FCRLA: variants seen among roughly 807,000 people sequenced by gnomAD.
FCRLA encodes the protein Fc receptor like A, also known as Fc receptor-like A.
Under a neutral mutation model 28.4 loss-of-function variants are expected in FCRLA, and 26 were observed. That is an observed-to-expected ratio of 0.91 (90% CI 0.67 to 1.27). The LOEUF (loss-of-function observed/expected upper bound fraction) is 1.27. Among genes scored for constraint, FCRLA ranks in the 50% most tolerant of loss-of-function variants. The pLI, the probability that FCRLA is intolerant of heterozygous loss-of-function variation, is 0.00. For synonymous variants in FCRLA, 174 were observed against 168.5 expected (o/e 1.03, Z -0.25); for missense variants, 422 against 433.1 (o/e 0.97, Z 0.23).
At position 161,712,054 on chromosome 1, in the gene FCRLA, TCTC is replaced by T; in HGVS notation, c.623_625del (p.Ser208del). The T allele has an allele frequency of 6.2e-7, 1 of 1,614,150 alleles. No homozygotes were observed. Among genetic ancestry groups the T allele is most frequent in the Non-Finnish European group, 8.5e-7 (1 of 1,180,040 alleles). ...CAGAGGTCAGCTGCCCGCCTCCTCT[TCTC>T]CTTCTACAAGGATGGAAGGATAGTG... On this transcript the variant is annotated inframe_deletion, in exon 4 of 5. Transcript: ENST00000236938.
Position 161,710,790 on chromosome 1 carries a change from G to A in FCRLA, c.110G>A (p.Gly37Glu). The A allele has an allele frequency of 6.2e-7, 1 of 1,614,108 alleles. No individual in the cohort carries two copies. The highest frequency in any genetic ancestry group is 8.5e-7 in the Non-Finnish European group (1 of 1,180,036). Residue 37 changes from glycine (G) to glutamate (E), a missense_variant, in exon 2 of 5, where the codon GGA (glycine) becomes GAA (glutamate). By Grantham distance (98) the Gly-to-Glu change is moderately conservative. This residue lies in a region of FCRLA where 231 missense variants were observed against 214.6 expected (regional missense o/e 1.08). Coordinates refer to ENST00000236938, the MANE Select transcript of FCRLA (RefSeq NM_032738.4). ...AGTTTTGAGACGCTGCAGTGTGAGG[G>A]ACCTGTCTGCACTGAGGAGAGCAGC... ...AASFETLQCE[G>E]PVCTEESSCH...
At chr1:161,707,461 G>A in intron 1 of FCRLA, 118 bp downstream of exon 1, 4 of 1,101,496 alleles carry the variant, frequency 3.6e-6, no homozygotes, top group Non-Finnish European at 5.1e-6. Context: ...GTATTCAGGT[G>A]GAATAAGAAG....
chr1:161,710,850 A>G lies in FCRLA; in HGVS notation c.170A>G (p.Glu57Gly), dbSNP rs1272632096. ...HTEDDLTDAR[E>G]AGFQVKAYTF... ...GAGGATGACTTGACTGATGCAAGGGAAGCTGGCTTCCAGGTCAAGGCCTAC... is the reference window on the plus strand; with the variant it reads ...GAGGATGACTTGACTGATGCAAGGGGAGCTGGCTTCCAGGTCAAGGCCTAC... The change falls in exon 2 of 5, where the codon GAA becomes GGA. Residue 57 changes from glutamate (E) to glycine (G), a missense_variant. Transcript: ENST00000236938. 1 of 1,613,892 alleles carries G rather than the reference A, an allele frequency of 6.2e-7. No individual in the cohort carries two copies. Among genetic ancestry groups the G allele is most frequent in the Non-Finnish European group, 8.5e-7 (1 of 1,180,008 alleles).
At chr1:161,710,242 T>C in intron 1 of FCRLA, 1 of 572,502 alleles carries the variant, frequency 1.7e-6, no homozygotes, top group Non-Finnish European at 3.1e-6. Context: ...TAGTCTCTTT[T>C]TAAGCTTTGG....
intron 1 of FCRLA, among the ~76,000 whole-genome samples, chr1:161,709,556 G>C (rs978089176): frequency 2.6e-5 from 4 of 152,172 alleles, no homozygotes; most frequent in African/African-American, 9.7e-5. Flanking sequence ...GAAAACACCT[G>C]GTACTGATGT....
In FCRLA at chr1:161,711,322, G is replaced by T. The variant is rs1459280041; in HGVS notation, c.347G>T (p.Gly116Val). ...ACTCAGGTGACCTTCTACCGAGATGGCTCAGCTCTGGGTCCCCCCGGGCCT... is the reference window on the plus strand; with the variant it reads ...ACTCAGGTGACCTTCTACCGAGATGTCTCAGCTCTGGGTCCCCCCGGGCCT... The part of the protein sequence containing the change: ...PLTQVTFYRD[G>V]SALGPPGPNR... Residue 116 changes from glycine (G) to valine (V), a missense_variant, in exon 3 of 5, where the codon GGC becomes GTC. By Grantham distance (109) the Gly-to-Val change is moderately radical. Around this residue, in one of 3 missense-constraint regions of FCRLA, gnomAD observed 231 missense variants for 214.6 expected, o/e 1.08. Coordinates refer to ENST00000236938, the MANE Select transcript of FCRLA (RefSeq NM_032738.4). The T allele has an allele frequency of 6.2e-7, 1 of 1,614,208 alleles. No individual in the cohort carries two copies. The highest frequency in any genetic ancestry group is 1.1e-5 in the South Asian group (1 of 91,082).
chr1:161,712,591 C>T (rs775869410), intron 4 of FCRLA, among the ~76,000 whole-genome samples: 2 of 152,112 alleles, frequency 1.3e-5, no homozygotes, highest in Non-Finnish European at 2.9e-5. Context: ...CTGCACTTGA[C>T]CTGAAACACT....
Position 161,713,524 on chromosome 1 carries a change from A to C in FCRLA, c.*144A>C. 1.5e-6 allele frequency: 1 copy of C among 652,552 alleles called. No individual in the cohort carries two copies. Among genetic ancestry groups the C allele is most frequent in the Non-Finnish European group, 2.6e-6 (1 of 385,396 alleles). 40.4% of individuals were successfully genotyped at this position (652,552 alleles called of 1,614,324 possible). A position where few individuals can be genotyped will look rare whatever the true frequency, so the allele number is the denominator to read the frequency against. ...AGAATAATGTAGTTAGGTGAGTGTAAATAAATTTATATAAAGTGAGAATTA... is the reference window on the plus strand; with the variant it reads ...AGAATAATGTAGTTAGGTGAGTGTACATAAATTTATATAAAGTGAGAATTA... On this transcript the variant is annotated 3_prime_UTR_variant, in exon 5 of 5. Coordinates refer to ENST00000236938, the MANE Select transcript of FCRLA (RefSeq NM_032738.4).
At chr1:161,711,881 C>T in intron 3 of FCRLA, 53 bp from the exon 4 acceptor site, 1 of 1,549,728 alleles carries the variant, frequency 6.5e-7, no homozygotes, top group Non-Finnish European at 8.7e-7. Flanking sequence ...CTGCATGTGT[C>T]TACCTGTATA....
Position 161,712,231 on chromosome 1 carries a change from C to T in FCRLA, c.784+13C>T. 1 of 1,604,582 alleles carries T rather than the reference C, an allele frequency of 6.2e-7. No homozygotes were observed. Among genetic ancestry groups the T allele is most frequent in the Non-Finnish European group, 8.5e-7 (1 of 1,174,458 alleles). ...ATCAGAGTGCAGGGTGAGTTCGCAT[C>T]AGAGTGCAGGTTGTCTGTTTGGCAT... On this transcript the variant is annotated intron_variant, in intron 4 of 4. Transcript: ENST00000236938.
rs1683069333 is a variant in FCRLA at position 161,710,932 on chromosome 1, T to C, written c.232+20T>C. On this transcript the variant is annotated intron_variant, in intron 2 of 4. Transcript: ENST00000236938. ...CCTATGGTGAGGTCCTGGGAAGGCC[T>C]GAGCAGTGCCCCAAACCCCTTCTTT... 2.5e-6 allele frequency: 4 copies of C among 1,611,474 alleles called. No homozygotes were observed. Among genetic ancestry groups the C allele is most frequent in the Non-Finnish European group, 3.4e-6 (4 of 1,179,396 alleles).
chr1:161,707,857 T>C (rs553770118), intron 1 of FCRLA, among the ~76,000 whole-genome samples: 1 of 152,328 alleles, frequency 6.6e-6, no homozygotes, highest in Admixed American at 6.5e-5. Flanking sequence ...CATTTTCTCC[T>C]TGTACTACAT....
Position 161,711,880 on chromosome 1 carries a change from T to A in FCRLA, c.500-54T>A, listed in dbSNP as rs950977968. Reference sequence around the variant, plus strand: ...CCCCAAGTCTCTTCACCTGCATGTGTCTACCTGTATATAAGATGGCTGAGC... The same window carrying A: ...CCCCAAGTCTCTTCACCTGCATGTGACTACCTGTATATAAGATGGCTGAGC... On this transcript the variant is annotated intron_variant, in intron 3 of 4. Transcript: ENST00000236938. The A allele has an allele frequency of 7.8e-6, 12 of 1,548,210 alleles. No individual in the cohort carries two copies. In the African/African-American group the frequency reaches 1.5e-4, roughly 19 times the overall value.
chr1:161,707,472 G>A (rs1203531464), intron 1 of FCRLA, 129 bp downstream of exon 1: 14 of 1,042,180 alleles, frequency 1.3e-5, no homozygotes, highest in Non-Finnish European at 1.7e-5. Context: ...GAATAAGAAG[G>A]GTAGGTATAA....
chr1:161,710,591 T>C lies in FCRLA; in HGVS notation c.80-169T>C, dbSNP rs1053581060. On this transcript the variant is annotated intron_variant, in intron 1 of 4. Coordinates refer to ENST00000236938, the MANE Select transcript of FCRLA (RefSeq NM_032738.4). ...GACGCCAGTGAATCAAGGTCAAAAC[T>C]ATCCCCCTGAGACACTCTCAGGGGT... 9.1e-6 allele frequency: 13 copies of C among 1,434,488 alleles called. No homozygotes were observed. The South Asian group carries it at 1.6e-4, about 18-fold the overall frequency. 88.9% of individuals were successfully genotyped at this position (1,434,488 alleles called of 1,614,324 possible). A position where few individuals can be genotyped will look rare whatever the true frequency, so the allele number is the denominator to read the frequency against.
chr1:161,710,220 C>T (rs1453294122), intron 1 of FCRLA: 6 of 537,812 alleles, frequency 1.1e-5, no homozygotes, highest in Non-Finnish European at 1.7e-5. Flanking sequence ...CTGCCTTTCC[C>T]GATCCATTGC....
intron 4 of FCRLA, 80 bp from the exon 5 acceptor site, chr1:161,713,005 A>G: frequency 2.0e-6 from 3 of 1,493,516 alleles, no homozygotes; most frequent in Non-Finnish European, 1.8e-6. Flanking sequence ...TTCAGAGAAC[A>G]AGAAAGATTG....
intron 2 of FCRLA, 113 bp from the exon 3 acceptor site, chr1:161,711,095 C>A: frequency 6.8e-7 from 1 of 1,478,834 alleles, no homozygotes; most frequent in Non-Finnish European, 9.1e-7. Flanking sequence ...TACTCCCAAC[C>A]AGGGGTGAGA....
intron 1 of FCRLA, among the ~76,000 whole-genome samples, chr1:161,709,537 G>T (rs1019729871): frequency 6.6e-6 from 1 of 152,220 alleles, no homozygotes; most frequent in African/African-American, 2.4e-5. Context: ...AGCGGAGAAA[G>T]GATGGAAAGA....
Sources: allele counts gnomAD v4.1 joint callset (sites outside exome capture counted in the v4.1 genomes callset), GRCh38; gene constraint gnomAD v4.1.1; regional missense constraint gnomAD v4.1.1; transcripts MANE v1.5; gene names NCBI Gene and HGNC (gene_info 2026-07-23, HGNC 2026-07-21).